GRM7: variants seen among roughly 807,000 people sequenced by gnomAD.
The protein encoded by GRM7 is glutamate metabotropic receptor 7.
In GRM7, 35 loss-of-function variants were observed where a neutral mutation model predicts 84.5. The ratio of observed to expected loss-of-function variants is 0.41; its 90% CI spans 0.32 to 0.55. The LOEUF is 0.55. Ranked by LOEUF, GRM7 falls within the 20% of genes least tolerant of loss-of-function variation. GRM7 has a pLI of 0.19. For missense variants in GRM7, 1,003 were observed against 1,194.6 expected (o/e 0.84, Z 2.36); for synonymous variants, 487 against 455.1 (o/e 1.07, Z -0.89).
chr3:7,349,990 G>A lies in GRM7; in HGVS notation c.1033+43338G>A, dbSNP rs116043622. Among the ~76,000 whole-genome samples, 1,432 of 151,972 alleles carry A rather than the reference G, an allele frequency of 9.4e-3. 12 individuals are homozygous for A. Among genetic ancestry groups the A allele is most frequent in the Admixed American group, 0.027 (410 of 15,248 alleles). ...TTGAATCATCTTGTAGTTTTCCAGA[G>A]CATATTTTCTTGACTTCCACCTGTG... On this transcript the variant is annotated intron_variant, in intron 4 of 9. Coordinates refer to ENST00000357716, the MANE Select transcript of GRM7 (RefSeq NM_000844.4).
intron 1 of GRM7, among the ~76,000 whole-genome samples, chr3:6,982,317 G>T (rs1364805234): frequency 2.0e-5 from 3 of 152,108 alleles, no homozygotes. Context: ...TAGGAGGGGT[G>T]CCAGAGTTGT....
At chr3:7,400,047 G>C (rs1293898588) in intron 4 of GRM7, among the ~76,000 whole-genome samples, 1 of 152,142 alleles carries the variant, frequency 6.6e-6, no homozygotes, top group African/African-American at 2.4e-5. Flanking sequence ...AAATCGTTAA[G>C]GCTCAATATT....
intron 1 of GRM7, among the ~76,000 whole-genome samples, chr3:7,013,120 A>G (rs1373522944): frequency 1.0e-4 from 12 of 117,956 alleles, no homozygotes; most frequent in African/African-American, 4.0e-4. Flanking sequence ...TCCATTCTTC[A>G]TCAACCCTAC....
chr3:7,434,264 T>C (rs1696950978), intron 5 of GRM7, among the ~76,000 whole-genome samples: 2 of 152,170 alleles, frequency 1.3e-5, no homozygotes, highest in Admixed American at 6.5e-5. Flanking sequence ...TCTGACACAG[T>C]GCTTTCTTAT....
chr3:7,377,276 G>A lies in GRM7; in HGVS notation c.1034-37747G>A, dbSNP rs113775162. Among the ~76,000 whole-genome samples, 842 of 152,168 alleles carry A rather than the reference G, an allele frequency of 5.5e-3. 6 individuals carry two copies. The highest frequency in any genetic ancestry group is 0.019 in the African/African-American group (808 of 41,510). ...TGTAGAGTGGAAGTGTGACCACAGG[G>A]GTGTTGAGCACAGCCTGTGTGACAC... On this transcript the variant is annotated intron_variant, in intron 4 of 9. Coordinates refer to ENST00000357716, the MANE Select transcript of GRM7 (RefSeq NM_000844.4).
intron 2 of GRM7, among the ~76,000 whole-genome samples, chr3:7,256,544 T>C (rs962918359): frequency 1.3e-4 from 20 of 152,266 alleles, no homozygotes; most frequent in Admixed American, 4.6e-4. Context: ...GGAGTTGTTA[T>C]AGTGAAGGAA....
chr3:6,901,470 T>G (rs981807411), intron 1 of GRM7, among the ~76,000 whole-genome samples: 3 of 151,778 alleles, frequency 2.0e-5, no homozygotes, highest in African/African-American at 7.3e-5. Context: ...TGGTGGTGCG[T>G]GCCTGTAGTC....
intron 5 of GRM7, among the ~76,000 whole-genome samples, chr3:7,418,166 C>G (rs1201710390): frequency 6.6e-6 from 1 of 152,134 alleles, no homozygotes; most frequent in African/African-American, 2.4e-5. Context: ...TTACCGCATT[C>G]TTTAGTATTT....
chr3:7,515,380 A>G (rs952705663), intron 7 of GRM7, among the ~76,000 whole-genome samples: 11 of 152,150 alleles, frequency 7.2e-5, no homozygotes. Context: ...GCCTCTGTCT[A>G]TCAAATACCA....
chr3:7,363,018 A>G (rs1305919259), intron 4 of GRM7, among the ~76,000 whole-genome samples: 1 of 152,046 alleles, frequency 6.6e-6, no homozygotes, highest in African/African-American at 2.4e-5. Context: ...GCTATTCAGA[A>G]GGCTGAGGCA....
intron 2 of GRM7, among the ~76,000 whole-genome samples, chr3:7,253,012 T>TTA (rs1553637930): frequency 1.8e-4 from 13 of 70,798 alleles, no homozygotes; most frequent in Non-Finnish European, 4.8e-5. Context: ...TGGCTTTTCT[T>TTA]AAAAAAAAAA....
Position 7,505,062 on chromosome 3 carries a change from A to G in GRM7, c.1515+43340A>G, listed in dbSNP as rs977748453. Among the ~76,000 whole-genome samples, 4 of 152,356 alleles carry G rather than the reference A, an allele frequency of 2.6e-5. No homozygotes were observed. In the East Asian group the frequency reaches 7.7e-4, roughly 29 times the overall value. ...TGGGACAGACACAAGATAAACATTCACATTCCAGGAGAGGGAAAGGAAGCA... is the reference window on the plus strand; with the variant it reads ...TGGGACAGACACAAGATAAACATTCGCATTCCAGGAGAGGGAAAGGAAGCA... On this transcript the variant is annotated intron_variant, in intron 7 of 9. Coordinates refer to ENST00000357716, the MANE Select transcript of GRM7 (RefSeq NM_000844.4).
chr3:7,281,483 T>C (rs1699249237), intron 2 of GRM7, among the ~76,000 whole-genome samples: 1 of 152,228 alleles, frequency 6.6e-6, no homozygotes. Context: ...TGTGTCACAT[T>C]GACAGATGAG....
intron 8 of GRM7, among the ~76,000 whole-genome samples, chr3:7,615,153 T>G (rs1429255601): frequency 2.6e-5 from 4 of 152,180 alleles, no homozygotes; most frequent in Non-Finnish European, 1.5e-5. Flanking sequence ...CATACATGAG[T>G]ATATATGTAC....
intron 1 of GRM7, among the ~76,000 whole-genome samples, chr3:6,996,329 T>C (rs1438306656): frequency 6.6e-6 from 1 of 152,160 alleles, no homozygotes; most frequent in African/African-American, 2.4e-5. Flanking sequence ...ATTACTGACA[T>C]GAGCCACCAT....
chr3:7,702,547 T>C (rs944630663), intron 9 of GRM7, among the ~76,000 whole-genome samples: 2 of 152,238 alleles, frequency 1.3e-5, no homozygotes, highest in Admixed American at 6.5e-5. Flanking sequence ...CTTGATGCAA[T>C]TCAATTGGCT....
rs774045497 is a variant in GRM7 at position 6,861,578 on chromosome 3, G to A, written c.190G>A (p.Gly64Arg). ...LFPVHAKGPSGVPCGDIKREN... is the reference protein window; with the variant it reads ...LFPVHAKGPSRVPCGDIKREN... ...CCCCGTGCACGCCAAGGGTCCCAGC[G>A]GAGTGCCCTGCGGCGACATCAAGAG... is the stretch of plus-strand genomic sequence containing the variant. Residue 64 changes from glycine (G) to arginine (R), a missense_variant, in exon 1 of 10, where the codon GGA becomes AGA. Physicochemically the swap from Gly to Arg is moderately radical, Grantham distance 125. Around this residue, in one of 2 missense-constraint regions of GRM7, gnomAD observed 910 missense variants for 1,126.0 expected, o/e 0.81. Coordinates refer to ENST00000357716, the MANE Select transcript of GRM7 (RefSeq NM_000844.4). This position sits in a 1 kb window ranked among gnomAD's most constrained non-coding sequence, Gnocchi z 6.4. 4 of 1,606,106 alleles carry A rather than the reference G, an allele frequency of 2.5e-6. No individual in the cohort carries two copies. Among genetic ancestry groups the A allele is most frequent in the African/African-American group, 2.7e-5 (2 of 74,740 alleles).
chr3:7,038,309 T>G (rs902750415), intron 1 of GRM7, among the ~76,000 whole-genome samples: 21 of 152,326 alleles, frequency 1.4e-4, no homozygotes, highest in African/African-American at 5.0e-4. Context: ...TACATAGCCT[T>G]ATTGACCGGG....
chr3:7,666,778 T>C (rs1285108640), intron 8 of GRM7, among the ~76,000 whole-genome samples: 2 of 152,106 alleles, frequency 1.3e-5, no homozygotes, highest in African/African-American at 2.4e-5. Context: ...ACATATATTA[T>C]ATATTGCATT....
Sources: gnomAD v4.1 joint callset for allele counts (sites outside exome capture counted in the v4.1 genomes callset) on GRCh38, gnomAD v4.1.1 for gene constraint, gnomAD v4.1.1 regional missense constraint, Gnocchi (gnomAD v3.1) non-coding constraint, MANE v1.5 for transcripts, NCBI Gene and HGNC (gene_info 2026-07-23, HGNC 2026-07-21) for gene names.